SELENOO: variants seen among roughly 807,000 people sequenced by gnomAD.
SELENOO encodes the protein selenoprotein O.
SELENOO carries 74 observed loss-of-function variants against 58.7 expected under a neutral mutation model. The ratio of observed to expected loss-of-function variants is 1.26; its 90% CI spans 1.04 to 1.53. The LOEUF is 1.53. SELENOO is among the 40% of genes most tolerant of loss of function. SELENOO has a pLI of 0.00. For missense variants in SELENOO, 1,149 were observed against 970.0 expected, an observed-to-expected ratio of 1.18 and a Z score of -2.45; for synonymous variants, 543 against 453.2, an observed-to-expected ratio of 1.20 and a Z score of -2.52.
At chr22:50,210,578 C>A in intron 4 of SELENOO, 53 bp from the exon 5 acceptor site, 1 of 1,610,546 alleles carries the variant, frequency 6.2e-7, no homozygotes, top group Non-Finnish European at 8.5e-7. Flanking sequence ...GCTGCACCAT[C>A]TCCCGGGAAC....
At chr22:50,208,347 T>C (rs572785730) in intron 2 of SELENOO, 189 bp from the exon 3 acceptor site, 2 of 511,376 alleles carry the variant, frequency 3.9e-6, no homozygotes, top group Middle Eastern at 4.2e-4. Context: ...GTAGAATCAC[T>C]TGAACCCAGA....
At chr22:50,209,632 T>A (rs1354509069) in intron 3 of SELENOO, 1 of 153,062 alleles carries the variant, frequency 6.5e-6, no homozygotes, top group Admixed American at 6.5e-5. Flanking sequence ...CCCAGGAGCG[T>A]CGGTGGCCTT....
chr22:50,216,667 C>T (rs2147168593), intron 6 of SELENOO, 24 bp from the exon 7 acceptor site: 2 of 1,559,994 alleles, frequency 1.3e-6, no homozygotes, highest in South Asian at 2.3e-5. Context: ...GGGCTACCTC[C>T]CAGACACCCT....
chr22:50,208,169 C>T (rs978205210), intron 2 of SELENOO, among the ~76,000 whole-genome samples: 2 of 152,162 alleles, frequency 1.3e-5, no homozygotes, highest in East Asian at 3.9e-4. Flanking sequence ...CGGTGGCTCA[C>T]GCCTGTAATC....
chr22:50,206,895 G>T (rs867829316), intron 2 of SELENOO, among the ~76,000 whole-genome samples: 4 of 152,084 alleles, frequency 2.6e-5, no homozygotes, highest in Non-Finnish European at 2.9e-5. Flanking sequence ...GTGCTTCTGG[G>T]GGGGAGGGGG....
rs139443972 is a variant in SELENOO, at chr22:50,211,106, C to T, written c.1351+195C>T. On this transcript the variant is annotated intron_variant, in intron 5 of 8. Transcript: ENST00000380903. The stretch of plus-strand genomic sequence containing the variant: ...CTGCTGCGAGTGGAGTCATACGGTG[C>T]TTGTTCTGTAGTGACTGCTTATTTC... Among the ~76,000 whole-genome samples the T allele has an allele frequency of 2.0e-4, 31 of 152,286 alleles. No homozygotes were observed. The East Asian group carries it at 5.2e-3, about 26-fold the overall frequency.
At chr22:50,213,826 T>A (rs910982475) in intron 5 of SELENOO, among the ~76,000 whole-genome samples, 1 of 152,006 alleles carries the variant, frequency 6.6e-6, no homozygotes, top group Non-Finnish European at 1.5e-5. Context: ...TTTTTTGTAT[T>A]TTTAGTAGAG....
chr22:50,206,262 G>A, intron 1 of SELENOO, 55 bp from the exon 2 acceptor site: 1 of 1,489,474 alleles, frequency 6.7e-7, no homozygotes, highest in Non-Finnish European at 9.3e-7. Flanking sequence ...CCGGAATCCT[G>A]GTGTTGGGTG....
At chr22:50,204,319 A>G (rs1319929511) in intron 1 of SELENOO, among the ~76,000 whole-genome samples, 4 of 152,166 alleles carry the variant, frequency 2.6e-5, no homozygotes, top group African/African-American at 7.2e-5. Context: ...CGACAGGGCA[A>G]GACTGTCTCG....
Position 50,217,010 on chromosome 22 carries a change from C to A in SELENOO, c.1727C>A (p.Ala576Asp). ...LDKDLEGAGDAAAWQAEHVRV... is the reference protein window; with the variant it reads ...LDKDLEGAGDDAAWQAEHVRV... ...AAGGACCTGGAAGGCGCTGGGGACG[C>A]TGCCGCCTGGCAGGCTGAGCACGTG... is the stretch of plus-strand genomic sequence containing the variant. The change falls in exon 8 of 9, where the codon GCT (alanine) becomes GAT (aspartate). Residue 576 changes from alanine (A) to aspartate (D), a missense_variant. Coordinates refer to ENST00000380903, the MANE Select transcript of SELENOO (RefSeq NM_031454.2). 5 of 1,611,610 alleles carry A rather than the reference C, an allele frequency of 3.1e-6. No individual in the cohort carries two copies. Among genetic ancestry groups the A allele is most frequent in the Non-Finnish European group, 4.2e-6 (5 of 1,179,738 alleles).
chr22:50,209,885 C>T (rs531521453), intron 3 of SELENOO, among the ~76,000 whole-genome samples: 13 of 152,374 alleles, frequency 8.5e-5, no homozygotes, highest in African/African-American at 2.9e-4. Context: ...ACTGACCCTT[C>T]TCTGCTTCTT....
At chr22:50,211,134 T>G (rs1310335445) in intron 5 of SELENOO, among the ~76,000 whole-genome samples, 1 of 152,202 alleles carries the variant, frequency 6.6e-6, no homozygotes, top group African/African-American at 2.4e-5. Flanking sequence ...CTTATTTCAC[T>G]TAGCATAAGG....
intron 1 of SELENOO, among the ~76,000 whole-genome samples, chr22:50,203,446 A>C (rs937915831): frequency 2.6e-5 from 4 of 152,222 alleles, no homozygotes; most frequent in Middle Eastern, 3.2e-3. Flanking sequence ...AGAAAGTTGG[A>C]GGACTCATGC....
intron 1 of SELENOO, 77 bp from the exon 2 acceptor site, chr22:50,206,240 T>TC: frequency 4.5e-6 from 6 of 1,333,874 alleles, no homozygotes; most frequent in Non-Finnish European, 6.4e-6. Context: ...TTCCCTCCTT[T>TC]CCATGTGCTG....
chr22:50,216,550 C>T, intron 6 of SELENOO, 141 bp from the exon 7 acceptor site: 1 of 765,408 alleles, frequency 1.3e-6, no homozygotes, highest in South Asian at 1.8e-5. Context: ...CAGTGGGGTT[C>T]CAGGGACCTC....
chr22:50,215,485 G>A (rs887662294), intron 5 of SELENOO, among the ~76,000 whole-genome samples: 63 of 151,586 alleles, frequency 4.2e-4, no homozygotes, highest in African/African-American at 1.5e-3. Flanking sequence ...GTGTGGGTCC[G>A]TGTGGCACCT....
chr22:50,206,849 C>A (rs2064336345), intron 2 of SELENOO, among the ~76,000 whole-genome samples: 1 of 152,100 alleles, frequency 6.6e-6, no homozygotes, highest in Non-Finnish European at 1.5e-5. Flanking sequence ...GCAGGGGGCT[C>A]CAGGGCCACG....
At chr22:50,211,013 C>T (rs2064368098) in intron 5 of SELENOO, 102 bp downstream of exon 5, 1 of 1,273,440 alleles carries the variant, frequency 7.9e-7, no homozygotes, top group South Asian at 1.3e-5. Flanking sequence ...CAGTCACTCC[C>T]TGGGCCCACC....
At chr22:50,215,084 ATTTTGT>A (rs1457925388) in intron 5 of SELENOO, among the ~76,000 whole-genome samples, 3 of 151,856 alleles carry the variant, frequency 2.0e-5, no homozygotes, top group Non-Finnish European at 2.9e-5. Flanking sequence ...CTCCCTTCTC[ATTTTGT>A]TTTTAAGACA....
Sources: allele counts gnomAD v4.1 joint callset (sites outside exome capture counted in the v4.1 genomes callset), GRCh38; gene constraint gnomAD v4.1.1; transcripts MANE v1.5; gene names NCBI Gene and HGNC (gene_info 2026-07-23, HGNC 2026-07-21).